The following SLC24A2 variants were observed in gnomAD, a reference collection of about 807,000 sequenced individuals.
The protein encoded by SLC24A2 is solute carrier family 24 member 2, also known as sodium/potassium/calcium exchanger 2.
A neutral mutation model predicts 62.0 loss-of-function variants in SLC24A2; 36 were observed. The ratio of observed to expected loss-of-function variants is 0.58; its 90% CI spans 0.44 to 0.77. The LOEUF (loss-of-function observed/expected upper bound fraction) is 0.77, where lower values mean the gene tolerates loss of function less well. Ranked by LOEUF, SLC24A2 falls within the 30% of genes least tolerant of loss-of-function variation. SLC24A2 has a pLI of 0.00. For synonymous variants in SLC24A2, 358 were observed against 294.0 expected, an observed-to-expected ratio of 1.22 and a Z score of -2.23; for missense variants, 846 against 817.9, an observed-to-expected ratio of 1.03 and a Z score of -0.42.
chr9:19,764,201 C>A (rs921799312), intron 2 of SLC24A2, among the ~76,000 whole-genome samples: 1 of 152,302 alleles, frequency 6.6e-6, no homozygotes, highest in Non-Finnish European at 1.5e-5. Context: ...ATTCTTCTCT[C>A]TTTTCTTCTT....
At chr9:19,633,184 G>C (rs958219981) in intron 2 of SLC24A2, among the ~76,000 whole-genome samples, 4 of 152,180 alleles carry the variant, frequency 2.6e-5, no homozygotes, top group Non-Finnish European at 5.9e-5. Flanking sequence ...ATATACCACA[G>C]TTTAATGATC....
At chr9:19,941,567 G>C in the SLC24A2 span, among the ~76,000 whole-genome samples, 1 of 95,810 alleles carries the variant, frequency 1.0e-5, no homozygotes, top group South Asian at 3.1e-4. Context: ...GTGTGTGTGT[G>C]TGTGTGTGTG....
chr9:20,117,355 T>G, the SLC24A2 span, among the ~76,000 whole-genome samples: 1 of 152,182 alleles, frequency 6.6e-6, no homozygotes, highest in Non-Finnish European at 1.5e-5. Context: ...GGCTACATAC[T>G]AGCCTCTTAC....
rs1589111898 is a variant in SLC24A2, at chr9:19,513,477, T to C, written c.*2676A>G. On this transcript the variant is annotated 3_prime_UTR_variant, in exon 11 of 11. Coordinates refer to ENST00000341998, the MANE Select transcript of SLC24A2 (RefSeq NM_020344.4). ...GTAGGTCAGGCTCAGTGCACATGAC[T>C]GATGTGGGAACGGGGCTTGGAAATT... 1 of 152,166 alleles carries C rather than the reference T, an allele frequency of 6.6e-6. No homozygotes were observed. Among genetic ancestry groups the C allele is most frequent in the East Asian group, 1.9e-4 (1 of 5,168 alleles). 9.4% of individuals were successfully genotyped at this position (152,166 alleles called of 1,614,324 possible).
At position 19,546,028 on chromosome 9, in the gene SLC24A2, G is replaced by A. The variant is rs540685763; in HGVS notation, c.1479+4109C>T. ...CCCTGTTTGCCTGGATATCACCAGAGGAGGCTGCAGAACAGCAAAGACTGC... is the reference window on the plus strand; with the variant it reads ...CCCTGTTTGCCTGGATATCACCAGAAGAGGCTGCAGAACAGCAAAGACTGC... On this transcript the variant is annotated intron_variant, in intron 8 of 10. Transcript: ENST00000341998. Among the ~76,000 whole-genome samples, 7 of 152,308 alleles carry A rather than the reference G, an allele frequency of 4.6e-5. 1 individual carries two copies. Among genetic ancestry groups the A allele is most frequent in the Admixed American group, 4.6e-4 (7 of 15,304 alleles).
At chr9:19,681,772 T>C (rs1368005671) in intron 2 of SLC24A2, among the ~76,000 whole-genome samples, 1 of 152,202 alleles carries the variant, frequency 6.6e-6, no homozygotes, top group African/African-American at 2.4e-5. Flanking sequence ...GCTGTCATCT[T>C]TGTTCTTAGT....
At chr9:19,886,815 A>G in the SLC24A2 span, among the ~76,000 whole-genome samples, 2 of 152,368 alleles carry the variant, frequency 1.3e-5, no homozygotes, top group East Asian at 3.9e-4. Context: ...ATGCCAATCA[A>G]TGATAGACTA....
At chr9:20,180,987 C>G in the SLC24A2 span, among the ~76,000 whole-genome samples, 1 of 152,134 alleles carries the variant, frequency 6.6e-6, no homozygotes, top group Non-Finnish European at 1.5e-5. Context: ...TTTGGCAGCT[C>G]TCTTTGGTCA....
intron 4 of SLC24A2, 149 bp downstream of exon 4, chr9:19,619,435 T>C: frequency 1.3e-6 from 1 of 759,104 alleles, no homozygotes; most frequent in African/African-American, 1.7e-5. Context: ...ATAAAGCACG[T>C]CAAAGGGCCA....
the SLC24A2 span, among the ~76,000 whole-genome samples, chr9:20,022,673 C>G: frequency 6.6e-6 from 1 of 152,192 alleles, no homozygotes; most frequent in Non-Finnish European, 1.5e-5. Context: ...CAATTCCATT[C>G]TGGGTCCTTA....
At chr9:20,216,062 T>G in the SLC24A2 span, among the ~76,000 whole-genome samples, 1 of 150,440 alleles carries the variant, frequency 6.6e-6, no homozygotes, top group Non-Finnish European at 1.5e-5. Flanking sequence ...AGATCTACTA[T>G]TTTGTGATAA....
the SLC24A2 span, among the ~76,000 whole-genome samples, chr9:19,969,635 T>C: frequency 4.6e-5 from 7 of 152,080 alleles, no homozygotes; most frequent in Non-Finnish European, 8.8e-5. Context: ...CCTGTGAGGA[T>C]TGAGGCTACA....
intron 10 of SLC24A2, among the ~76,000 whole-genome samples, chr9:19,516,661 G>A (rs796771633): frequency 7.2e-5 from 11 of 152,308 alleles, no homozygotes; most frequent in African/African-American, 2.6e-4. Context: ...CATGACTGCT[G>A]TGGGTGATTT....
At chr9:19,731,685 A>T (rs1475316949) in intron 2 of SLC24A2, among the ~76,000 whole-genome samples, 2 of 152,234 alleles carry the variant, frequency 1.3e-5, no homozygotes, top group Non-Finnish European at 2.9e-5. Context: ...CTGCCGTTTA[A>T]GCCACCCAGT....
At chr9:20,173,009 G>T in the SLC24A2 span, among the ~76,000 whole-genome samples, 1 of 152,042 alleles carries the variant, frequency 6.6e-6, no homozygotes, top group African/African-American at 2.4e-5. Context: ...TCATACCAGG[G>T]TTGCAGAGAT....
intron 2 of SLC24A2, among the ~76,000 whole-genome samples, chr9:19,665,708 C>A (rs552210860): frequency 7.6e-4 from 116 of 152,238 alleles, no homozygotes; most frequent in Non-Finnish European, 1.1e-3. Flanking sequence ...TCACTGCAGC[C>A]TGACCTCCTG....
chr9:19,602,214 A>G (rs182868439), intron 4 of SLC24A2, among the ~76,000 whole-genome samples: 2 of 152,294 alleles, frequency 1.3e-5, no homozygotes, highest in African/African-American at 4.8e-5. Context: ...ACGTCCCTCA[A>G]TATGTTGTTG....
chr9:19,893,374 G>A, the SLC24A2 span, among the ~76,000 whole-genome samples: 1 of 152,130 alleles, frequency 6.6e-6, no homozygotes, highest in African/African-American at 2.4e-5. Flanking sequence ...TAGTTCCTGG[G>A]AAGGCTAGGC....
intron 2 of SLC24A2, among the ~76,000 whole-genome samples, chr9:19,708,976 A>G (rs1319409355): frequency 1.3e-5 from 2 of 152,112 alleles, no homozygotes; most frequent in African/African-American, 4.8e-5. Flanking sequence ...GCAACCTACA[A>G]AATGGGAGAA....
Sources: allele counts gnomAD v4.1 joint callset (sites outside exome capture counted in the v4.1 genomes callset), GRCh38; gene constraint gnomAD v4.1.1; transcripts MANE v1.5; gene names NCBI Gene and HGNC (gene_info 2026-07-23, HGNC 2026-07-21).